The following EXOC1 variants were observed in gnomAD, a reference collection of about 807,000 sequenced individuals.
EXOC1 encodes the protein SEC3-like 1.
Under a neutral mutation model 107.7 loss-of-function variants are expected in EXOC1, and 67 were observed. That is an observed-to-expected ratio of 0.62 (90% CI 0.51 to 0.76). The LOEUF (loss-of-function observed/expected upper bound fraction) is 0.76, where lower values mean the gene tolerates loss of function less well. Among genes scored for constraint, EXOC1 ranks in the 30% least tolerant of loss-of-function variants. The pLI, the probability that EXOC1 is intolerant of heterozygous loss-of-function variation, is 0.00. For missense variants in EXOC1, 833 were observed against 1,055.7 expected (o/e 0.79, Z 2.92); for synonymous variants, 348 against 353.5 (o/e 0.98, Z 0.17).
At chr4:55,895,195 A>C (rs1725060581) in intron 15 of EXOC1, among the ~76,000 whole-genome samples, 2 of 152,204 alleles carry the variant, frequency 1.3e-5, no homozygotes, top group African/African-American at 4.8e-5. Flanking sequence ...AACACTGGTC[A>C]ATAAGATCAA....
chr4:55,889,340 G>C (rs1724249596), intron 11 of EXOC1, among the ~76,000 whole-genome samples: 1 of 152,262 alleles, frequency 6.6e-6, no homozygotes, highest in South Asian at 2.1e-4. Context: ...AGATATTCAG[G>C]AAGGATGTTT....
intron 15 of EXOC1, 39 bp from the exon 16 acceptor site, chr4:55,896,678 C>T (rs1725246655): frequency 4.0e-6 from 6 of 1,513,370 alleles, no homozygotes; most frequent in Non-Finnish European, 5.3e-6. Flanking sequence ...TTTAAAGTTG[C>T]TTGGTTATTT....
intron 4 of EXOC1, among the ~76,000 whole-genome samples, chr4:55,867,340 C>T (rs1329430889): frequency 6.6e-6 from 1 of 152,012 alleles, no homozygotes; most frequent in Non-Finnish European, 1.5e-5. Flanking sequence ...GACAAATGAA[C>T]GTATTTCAGG....
intron 8 of EXOC1, chr4:55,875,833 A>G (rs2110344354): frequency 1.0e-6 from 1 of 973,096 alleles, no homozygotes; most frequent in African/African-American, 1.8e-5. Context: ...GGGAGGCTGA[A>G]GTGGGCCAAT....
intron 8 of EXOC1, among the ~76,000 whole-genome samples, chr4:55,874,510 C>T (rs934405480): frequency 3.3e-5 from 5 of 152,070 alleles, no homozygotes; most frequent in African/African-American, 1.2e-4. Context: ...TTTCATTGTA[C>T]TTTTTCTTAT....
At chr4:55,894,324 CAAAAA>C (rs200900566) in intron 15 of EXOC1, among the ~76,000 whole-genome samples, 2 of 80,088 alleles carry the variant, frequency 2.5e-5, no homozygotes, top group Non-Finnish European at 2.5e-5. Context: ...AAGACTGTGT[CAAAAA>C]AAAAAAAAAA....
At chr4:55,903,865 A>G (rs1560370756) in intron 18 of EXOC1, among the ~76,000 whole-genome samples, 1 of 152,140 alleles carries the variant, frequency 6.6e-6, no homozygotes, top group Non-Finnish European at 1.5e-5. Flanking sequence ...GCATCAAGCA[A>G]GGTTTTGCAT....
intron 4 of EXOC1, chr4:55,866,992 A>G (rs1409368092): frequency 3.6e-5 from 21 of 582,278 alleles, no homozygotes; most frequent in Non-Finnish European, 4.5e-5. Context: ...TACTGGGACA[A>G]ATTTATTTTA....
chr4:55,862,231 T>C (rs1233034582), intron 3 of EXOC1, among the ~76,000 whole-genome samples: 1 of 152,256 alleles, frequency 6.6e-6, no homozygotes, highest in Non-Finnish European at 1.5e-5. Flanking sequence ...CGTAACCCTG[T>C]TGACTTGCAT....
At chr4:55,884,185 C>A (rs1723665625) in intron 10 of EXOC1, among the ~76,000 whole-genome samples, 1 of 152,084 alleles carries the variant, frequency 6.6e-6, no homozygotes, top group African/African-American at 2.4e-5. Context: ...TATATATATT[C>A]ATAAGAACAG....
At chr4:55,900,872 A>G (rs1276355878) in intron 17 of EXOC1, among the ~76,000 whole-genome samples, 1 of 152,174 alleles carries the variant, frequency 6.6e-6, no homozygotes, top group African/African-American at 2.4e-5. Context: ...AGCAAGACTC[A>G]GTCTCAAAAC....
chr4:55,886,278 C>T (rs890235880), intron 10 of EXOC1, among the ~76,000 whole-genome samples: 10 of 151,758 alleles, frequency 6.6e-5, no homozygotes, highest in South Asian at 4.2e-4. Flanking sequence ...TCCAGCCTGG[C>T]GCAGTGGCTC....
intron 8 of EXOC1, chr4:55,876,815 T>C (rs1352619629): frequency 1.0e-6 from 1 of 984,430 alleles, no homozygotes; most frequent in East Asian, 1.1e-4. Context: ...GGGTCCTTTT[T>C]TCTTTTTAAT....
intron 1 of EXOC1, 89 bp from the exon 2 acceptor site, chr4:55,858,225 C>A: frequency 7.4e-7 from 1 of 1,354,876 alleles, no homozygotes; most frequent in Non-Finnish European, 9.8e-7. Flanking sequence ...GGCTTGTTAA[C>A]CAAAAATTAT....
At chr4:55,877,857 TTATTG>T in intron 8 of EXOC1, 55 bp from the exon 9 acceptor site, 1 of 1,595,436 alleles carries the variant, frequency 6.3e-7, no homozygotes, top group South Asian at 1.1e-5. Context: ...TTTAGACTTT[TTATTG>T]TAACGTTTCT....
intron 11 of EXOC1, 74 bp downstream of exon 11, chr4:55,889,006 A>G (rs1187106800): frequency 2.6e-6 from 4 of 1,538,496 alleles, no homozygotes; most frequent in Non-Finnish European, 3.6e-6. Context: ...GTTGTCTTGA[A>G]AAAAGGTAAC....
intron 10 of EXOC1, 103 bp downstream of exon 10, chr4:55,884,031 G>C (rs1227639061): frequency 2.5e-6 from 2 of 790,666 alleles, no homozygotes; most frequent in Admixed American, 7.0e-5. Flanking sequence ...AGATCCAGCA[G>C]AATTTATGAA....
intron 4 of EXOC1, chr4:55,866,776 G>C (rs1254332223): frequency 1.6e-6 from 1 of 626,176 alleles, no homozygotes; most frequent in African/African-American, 2.0e-5. Context: ...ATGAGATATG[G>C]GTAGTATTTT....
chr4:55,859,069 G>T lies in EXOC1; in HGVS notation c.124+622G>T, dbSNP rs560886209. ...CACCTGTGTTGACATCTGTCATGGT[G>T]TGTGTGAGCATTTCTGGTTGTCATC... On this transcript the variant is annotated intron_variant, in intron 2 of 18. Transcript: ENST00000381295. 5.3e-5 allele frequency among the ~76,000 whole-genome samples: 8 copies of T among 152,238 alleles called. 1 individual carries two copies. The highest frequency in any genetic ancestry group is 1.9e-4 in the African/African-American group (8 of 41,564).
Sources: gnomAD v4.1 joint callset for allele counts (sites outside exome capture counted in the v4.1 genomes callset) on GRCh38, gnomAD v4.1.1 for gene constraint, MANE v1.5 for transcripts, NCBI Gene and HGNC (gene_info 2026-07-23, HGNC 2026-07-21) for gene names.